Variants in TMEM63A observed in about 807,000 individuals in gnomAD.
The protein encoded by TMEM63A is transmembrane protein 63A.
A neutral mutation model predicts 100.6 loss-of-function variants in TMEM63A; 76 were observed. That is an observed-to-expected ratio of 0.76 (90% CI 0.63 to 0.91). The LOEUF is 0.91. TMEM63A is among the 40% of genes least tolerant of loss of function. TMEM63A has a pLI of 0.00. For missense variants in TMEM63A, 876 were observed against 1,008.8 expected, an observed-to-expected ratio of 0.87 and a Z score of 1.78; for synonymous variants, 401 against 401.1, an observed-to-expected ratio of 1.00 and a Z score of 0.00.
At chr1:225,875,623 C>G (rs1304321614) in intron 3 of TMEM63A, among the ~76,000 whole-genome samples, 1 of 152,158 alleles carries the variant, frequency 6.6e-6, no homozygotes, top group Non-Finnish European at 1.5e-5. Context: ...ACCACGAAAC[C>G]TGCTCAGCAG....
At chr1:225,845,508 C>G, downstream of TMEM63A, 2 of 684,214 alleles carry the variant, frequency 2.9e-6, no homozygotes, top group East Asian at 5.4e-5. Context: ...CTCCCCAACC[C>G]CCAACTCCGT....
chr1:225,854,322 C>A (rs1340526710), intron 18 of TMEM63A, among the ~76,000 whole-genome samples: 1 of 152,172 alleles, frequency 6.6e-6, no homozygotes, highest in African/African-American at 2.4e-5. Context: ...TGGGGGCCAG[C>A]CCAGGACAAG....
intron 20 of TMEM63A, 40 bp from the exon 21 acceptor site, chr1:225,850,119 CCA>C (rs772797492): frequency 6.2e-6 from 10 of 1,608,274 alleles, no homozygotes; most frequent in South Asian, 4.4e-5. Flanking sequence ...CCTCGCAGGG[CCA>C]CACAGACACC....
At chr1:225,845,158 T>A (rs1299009815), downstream of TMEM63A, 1 of 1,614,170 alleles carries the variant, frequency 6.2e-7, no homozygotes, top group Non-Finnish European at 8.5e-7. Context: ...TGAAGGTCTA[T>A]GTGCCCACTG....
intron 10 of TMEM63A, chr1:225,864,517 G>A (rs1259245901): frequency 6.6e-6 from 1 of 152,172 alleles, no homozygotes; most frequent in Non-Finnish European, 1.5e-5. Flanking sequence ...TGAGAATGAG[G>A]AGACTTTTTT....
chr1:225,872,083 G>A, intron 4 of TMEM63A, 30 bp from the exon 5 acceptor site: 1 of 1,468,908 alleles, frequency 6.8e-7, no homozygotes, highest in South Asian at 1.2e-5. Flanking sequence ...AAAAATGACA[G>A]ATAATTCTTA....
At chr1:225,847,878 G>A (rs1051000920) in intron 23 of TMEM63A, among the ~76,000 whole-genome samples, 3 of 152,208 alleles carry the variant, frequency 2.0e-5, no homozygotes, top group African/African-American at 7.2e-5. Flanking sequence ...GATGAGGTCG[G>A]CTCTGTCCTG....
In TMEM63A at chr1:225,856,926, T is replaced by G; in HGVS notation, c.1469A>C (p.Glu490Ala). 1 of 1,610,564 alleles carries G rather than the reference T, an allele frequency of 6.2e-7. No individual in the cohort carries two copies. The part of the protein sequence containing the change: ...PSIVYYSTLL[E>A]SHWTKSGENQ... ...GGGCACTCACTTGGTCCAGTGAGAC[T>G]CCAGCAGTGTAGAGTAGTAGACAAT... The change falls in exon 16 of 25, where the codon GAG (glutamate) becomes GCG (alanine). Residue 490 changes from glutamate to alanine, a missense_variant. This residue lies in a region of TMEM63A where 487 missense variants were observed against 581.9 expected (regional missense o/e 0.84). Coordinates refer to ENST00000366835, the MANE Select transcript of TMEM63A (RefSeq NM_014698.3).
rs1408154550 is a variant in TMEM63A at position 225,879,280 on chromosome 1, T to G, written c.-75A>C. On this transcript the variant is annotated 5_prime_UTR_variant, in exon 2 of 25. Coordinates refer to ENST00000366835, the MANE Select transcript of TMEM63A (RefSeq NM_014698.3). ...CGTTGGAGAGGTCCTCAGTTGGAGC[T>G]GTCTCTGGCAAAGGCAAAAGCAGCC... 6.6e-6 allele frequency: 1 copy of G among 152,242 alleles called. No individual in the cohort carries two copies. The highest frequency in any genetic ancestry group is 1.5e-5 in the Non-Finnish European group (1 of 68,084). 9.4% of individuals were successfully genotyped at this position (152,242 alleles called of 1,614,324 possible). A position where few individuals can be genotyped will look rare whatever the true frequency, so the allele number is the denominator to read the frequency against.
downstream of TMEM63A, chr1:225,844,510 G>A (rs1363064505): frequency 6.2e-7 from 1 of 1,614,170 alleles, no homozygotes; most frequent in South Asian, 1.1e-5. Flanking sequence ...AGTTCTCCCT[G>A]GACGACCTGC....
chr1:225,846,769 G>A lies in TMEM63A; in HGVS notation c.*170C>T, dbSNP rs1669012753. The A allele has an allele frequency of 5.6e-6, 2 of 359,698 alleles. No homozygotes were observed. The highest frequency in any genetic ancestry group is 8.5e-5 in the South Asian group (1 of 11,724). 22.3% of individuals were successfully genotyped at this position (359,698 alleles called of 1,614,324 possible). A position where few individuals can be genotyped will look rare whatever the true frequency, so the allele number is the denominator to read the frequency against. The stretch of plus-strand genomic sequence containing the variant: ...AAGCTTGTGCCGGAGGGGAAACTGG[G>A]TGAGCAAGGGAGGGGCGAGGCCTGC... On this transcript the variant is annotated 3_prime_UTR_variant, in exon 25 of 25. Coordinates refer to ENST00000366835, the MANE Select transcript of TMEM63A (RefSeq NM_014698.3).
At chr1:225,861,200 A>G in intron 13 of TMEM63A, 1 of 454,902 alleles carries the variant, frequency 2.2e-6, no homozygotes, top group Non-Finnish European at 3.8e-6. Context: ...CGCAACCACC[A>G]GCAACAAAGG....
downstream of TMEM63A, chr1:225,844,662 T>G: frequency 6.2e-7 from 1 of 1,612,292 alleles, no homozygotes. Flanking sequence ...CCTCTGAGGC[T>G]GGAGGCAGGG....
chr1:225,863,429 C>T (rs1175506481), intron 10 of TMEM63A, among the ~76,000 whole-genome samples: 2 of 152,156 alleles, frequency 1.3e-5, no homozygotes, highest in African/African-American at 4.8e-5. Flanking sequence ...GGCACTTCTC[C>T]TGGGGAAAAA....
chr1:225,871,743 G>A (rs150073731), intron 5 of TMEM63A: 5 of 517,964 alleles, frequency 9.7e-6, no homozygotes, highest in African/African-American at 7.8e-5. Flanking sequence ...AGAGAGAGAA[G>A]TGCTGGGGAA....
rs1332096351 is a variant in TMEM63A at position 225,877,394 on chromosome 1, C to G, written c.186+1G>C. 1 of 1,610,518 alleles carries G rather than the reference C, an allele frequency of 6.2e-7. No homozygotes were observed. The highest frequency in any genetic ancestry group is 8.5e-7 in the Non-Finnish European group (1 of 1,177,340). ...GGGACACGACTCATGAGGGCTCTCA[C>G]CAGGAAGCAGCTGACGTCTATGAGC... On this transcript the variant is annotated splice_donor_variant, in intron 3 of 24. Coordinates refer to ENST00000366835, the MANE Select transcript of TMEM63A (RefSeq NM_014698.3). LOFTEE classifies it high-confidence loss of function.
At position 225,862,542 on chromosome 1, in the gene TMEM63A, G is replaced by T; in HGVS notation, c.864C>A (p.Asn288Lys). ...KTEKSLTYYT[N>K]LQVKTGQRTL... ...TCCGCTGGCCTGTCTTCACCTGCAG[G>T]TTTGTGTAATAGGTCAGGCTCTTCT... The change falls in exon 12 of 25, where the codon AAC becomes AAA. Residue 288 changes from asparagine to lysine, a missense_variant. This residue lies in a region of TMEM63A where 487 missense variants were observed against 581.9 expected (regional missense o/e 0.84). Transcript: ENST00000366835. This position sits in a 1 kb window ranked among gnomAD's most constrained non-coding sequence, Gnocchi z 5.1. 2 of 1,614,128 alleles carry T rather than the reference G, an allele frequency of 1.2e-6. No homozygotes were observed. The highest frequency in any genetic ancestry group is 1.1e-5 in the South Asian group (1 of 91,082).
At position 225,846,071 on chromosome 1, in the gene TMEM63A, C is replaced by T. The variant is rs1021014947; in HGVS notation, c.*868G>A. Reference sequence around the variant, plus strand: ...GGAGAAGAGGGATGGGCTGCCCCTCCTTCCTGCCAGAGCCACAGCTCAAGG... The same window carrying T: ...GGAGAAGAGGGATGGGCTGCCCCTCTTTCCTGCCAGAGCCACAGCTCAAGG... On this transcript the variant is annotated 3_prime_UTR_variant, in exon 25 of 25. Coordinates refer to ENST00000366835, the MANE Select transcript of TMEM63A (RefSeq NM_014698.3). 14 of 153,902 alleles carry T rather than the reference C, an allele frequency of 9.1e-5. No individual in the cohort carries two copies. Among genetic ancestry groups the T allele is most frequent in the Admixed American group, 3.9e-4 (6 of 15,514 alleles). 9.5% of individuals were successfully genotyped at this position (153,902 alleles called of 1,614,324 possible).
At chr1:225,845,146 G>A, downstream of TMEM63A, 2 of 1,614,022 alleles carry the variant, frequency 1.2e-6, no homozygotes, top group African/African-American at 1.3e-5. Flanking sequence ...TCACTTCCAG[G>A]ATGAAGGTCT....
Sources: allele counts gnomAD v4.1 joint callset (sites outside exome capture counted in the v4.1 genomes callset), GRCh38; gene constraint gnomAD v4.1.1; regional missense constraint gnomAD v4.1.1; non-coding constraint Gnocchi (gnomAD v3.1); transcripts MANE v1.5; gene names NCBI Gene and HGNC (gene_info 2026-07-23, HGNC 2026-07-21).